Variants in EHD1 observed in about 807,000 individuals in gnomAD.
The protein encoded by EHD1 is EH domain containing 1, also known as EH domain-containing protein 1.
EHD1 carries 19 observed loss-of-function variants against 39.0 expected under a neutral mutation model. That is an observed-to-expected ratio of 0.49 (90% CI 0.34 to 0.72). The LOEUF (loss-of-function observed/expected upper bound fraction) is 0.72, where lower values mean the gene tolerates loss of function less well. EHD1 is among the 30% of genes least tolerant of loss of function. The probability of loss-of-function intolerance (pLI) is 0.01; values close to 1 mark genes in which losing one functional copy is unlikely to be tolerated. For synonymous variants in EHD1, 323 were observed against 331.2 expected (o/e 0.98, Z 0.27); for missense variants, 542 against 751.5 (o/e 0.72, Z 3.26).
intron 2 of EHD1, among the ~76,000 whole-genome samples, chr11:64,866,989 G>A (rs1281793797): frequency 6.6e-6 from 1 of 152,184 alleles, no homozygotes; most frequent in Non-Finnish European, 1.5e-5. Context: ...CAGGAAGAGT[G>A]TCCATTTGGG....
intron 2 of EHD1, among the ~76,000 whole-genome samples, chr11:64,864,195 T>A (rs1301138397): frequency 6.6e-6 from 1 of 152,176 alleles, no homozygotes; most frequent in African/African-American, 2.4e-5. Context: ...AGGGTAGCAG[T>A]GCAGGGGAGC....
At chr11:64,879,115 A>C (rs1943926438), upstream of EHD1, 1 of 1,001,510 alleles carries the variant, frequency 1.0e-6, no homozygotes, top group African/African-American at 1.7e-5. Flanking sequence ...CTCTCAGCCC[A>C]GCTTCCCAGA....
At chr11:64,869,365 G>A (rs1462049539) in intron 2 of EHD1, among the ~76,000 whole-genome samples, 1 of 152,258 alleles carries the variant, frequency 6.6e-6, no homozygotes, top group African/African-American at 2.4e-5. Context: ...GAGGGTTTTG[G>A]GAGGCCTGGA....
intron 2 of EHD1, among the ~76,000 whole-genome samples, chr11:64,865,151 A>G (rs1246248885): frequency 6.6e-6 from 1 of 152,222 alleles, no homozygotes; most frequent in African/African-American, 2.4e-5. Context: ...AGCCACACCC[A>G]CAGGTGACAA....
At chr11:64,879,624 G>A, upstream of EHD1, 1 of 1,551,036 alleles carries the variant, frequency 6.4e-7, no homozygotes, top group Non-Finnish European at 8.7e-7. Flanking sequence ...GTTCCTGGCT[G>A]TTCCATGGGG....
chr11:64,868,540 A>G lies in EHD1; in HGVS notation c.502+5881T>C, dbSNP rs1034547841. Among the ~76,000 whole-genome samples, 1 of 152,264 alleles carries G rather than the reference A, an allele frequency of 6.6e-6. No individual in the cohort carries two copies. Among genetic ancestry groups the G allele is most frequent in the African/African-American group, 2.4e-5 (1 of 41,470 alleles). Reference sequence around the variant, plus strand: ...GCTCTCAAACACACAGATGCAGCTCAGAAGCATCCTGCTAAGTGAAGGTGG... The same window carrying G: ...GCTCTCAAACACACAGATGCAGCTCGGAAGCATCCTGCTAAGTGAAGGTGG... On this transcript the variant is annotated intron_variant, in intron 2 of 4. Coordinates refer to ENST00000320631, the MANE Select transcript of EHD1 (RefSeq NM_006795.4). This position sits in a 1 kb window ranked among gnomAD's most constrained non-coding sequence, Gnocchi z 4.2.
chr11:64,869,046 A>G (rs1446409206), intron 2 of EHD1, among the ~76,000 whole-genome samples: 1 of 152,158 alleles, frequency 6.6e-6, no homozygotes, highest in Non-Finnish European at 1.5e-5. Flanking sequence ...GCTCTTATTT[A>G]CTCGCAGGAT....
intron 3 of EHD1, 74 bp downstream of exon 3, chr11:64,859,850 G>GGGCCCTGAGTGCCAGTCTCAGAGCCCCAT (rs1943693370): frequency 6.5e-7 from 1 of 1,530,988 alleles, no homozygotes; most frequent in Non-Finnish European, 8.8e-7. Flanking sequence ...GGCAATCCTG[G>GGGCCCTGAGTGCCAGTCTCAGAGCCCCAT]GGCCCTGAGT....
At position 64,868,373 on chromosome 11, in the gene EHD1, A is replaced by G. The variant is rs1487396047; in HGVS notation, c.502+6048T>C. Among the ~76,000 whole-genome samples, 1 of 152,124 alleles carries G rather than the reference A, an allele frequency of 6.6e-6. No individual in the cohort carries two copies. Among genetic ancestry groups the G allele is most frequent in the Non-Finnish European group, 1.5e-5 (1 of 68,024 alleles). ...ATTTACCTGAGAGCAGCAGCAGCACACGCCCACACGAACCACGTACTTGAC... is the reference window on the plus strand; with the variant it reads ...ATTTACCTGAGAGCAGCAGCAGCACGCGCCCACACGAACCACGTACTTGAC... On this transcript the variant is annotated intron_variant, in intron 2 of 4. Coordinates refer to ENST00000320631, the MANE Select transcript of EHD1 (RefSeq NM_006795.4). This position sits in a 1 kb window ranked among gnomAD's most constrained non-coding sequence, Gnocchi z 4.2.
intron 2 of EHD1, among the ~76,000 whole-genome samples, chr11:64,864,814 GGCCTGGGAGTCAGGACGGC>G (rs1419702364): frequency 1.3e-5 from 2 of 152,168 alleles, no homozygotes; most frequent in African/African-American, 4.8e-5. Context: ...TGTTAGCTTT[GGCCTGGGAGTCAGGACGGC>G]GCCTGGGGAG....
chr11:64,860,944 T>C (rs1243204458), intron 2 of EHD1, among the ~76,000 whole-genome samples: 2 of 143,962 alleles, frequency 1.4e-5, no homozygotes, highest in Non-Finnish European at 3.0e-5. Flanking sequence ...TGCTTGAACC[T>C]GGGCGGCAGA....
At position 64,878,598 on chromosome 11, in the gene EHD1, C is replaced by A; in HGVS notation, c.-134G>T. The A allele has an allele frequency of 1.4e-6, 2 of 1,427,176 alleles. No individual in the cohort carries two copies. Among genetic ancestry groups the A allele is most frequent in the Non-Finnish European group, 1.8e-6 (2 of 1,096,378 alleles). The allele number at this position is 1,427,176 out of a possible 1,614,324, so 88.4% of individuals were successfully genotyped here. On this transcript the variant is annotated 5_prime_UTR_variant, in exon 1 of 5. Coordinates refer to ENST00000320631, the MANE Select transcript of EHD1 (RefSeq NM_006795.4). ...ACACTGCGCAGGCGCACAGCCCAGC[C>A]CGTCGAAGCGCCCTCTGCCGAATGC...
intron 2 of EHD1, among the ~76,000 whole-genome samples, chr11:64,865,409 C>G (rs1943757533): frequency 6.6e-6 from 1 of 152,262 alleles, no homozygotes; most frequent in Non-Finnish European, 1.5e-5. Context: ...GCCAGCACCC[C>G]CGGCACTGCC....
Position 64,853,979 on chromosome 11 carries a change from C to A in EHD1, c.*354G>T. ...AGCAGCTGCCAAAAGGGCGACCTGGCTCCCCCACGGTCGCAGTCGCTGCAC... is the reference window on the plus strand; with the variant it reads ...AGCAGCTGCCAAAAGGGCGACCTGGATCCCCCACGGTCGCAGTCGCTGCAC... On this transcript the variant is annotated 3_prime_UTR_variant, in exon 5 of 5. Coordinates refer to ENST00000320631, the MANE Select transcript of EHD1 (RefSeq NM_006795.4). The A allele has an allele frequency of 3.3e-6, 1 of 299,622 alleles. No homozygotes were observed. The highest frequency in any genetic ancestry group is 6.3e-6 in the Non-Finnish European group (1 of 158,100). 18.6% of individuals were successfully genotyped at this position (299,622 alleles called of 1,614,324 possible). A position where few individuals can be genotyped will look rare whatever the true frequency, so the allele number is the denominator to read the frequency against.
At chr11:64,873,438 T>G (rs1460568244) in intron 2 of EHD1, among the ~76,000 whole-genome samples, 1 of 152,202 alleles carries the variant, frequency 6.6e-6, no homozygotes, top group Non-Finnish European at 1.5e-5. Context: ...GACCAGGGGC[T>G]TGTTCAGAGT....
intron 2 of EHD1, among the ~76,000 whole-genome samples, chr11:64,866,051 T>G (rs1055735837): frequency 6.6e-6 from 1 of 152,142 alleles, no homozygotes; most frequent in African/African-American, 2.4e-5. Flanking sequence ...TAAGGACACA[T>G]GCACACATAC....
chr11:64,859,202 C>G (rs1229994749), intron 3 of EHD1, among the ~76,000 whole-genome samples: 1 of 152,198 alleles, frequency 6.6e-6, no homozygotes, highest in African/African-American at 2.4e-5. Flanking sequence ...TCACTCCCCG[C>G]CAGTACCCGG....
At chr11:64,865,651 T>G (rs1458297304) in intron 2 of EHD1, among the ~76,000 whole-genome samples, 1 of 152,176 alleles carries the variant, frequency 6.6e-6, no homozygotes, top group East Asian at 1.9e-4. Context: ...CAGGAAGCTC[T>G]AGCTCAGAAA....
chr11:64,877,887 A>C, intron 1 of EHD1, 174 bp downstream of exon 1: 1 of 568,508 alleles, frequency 1.8e-6, no homozygotes, highest in Non-Finnish European at 2.8e-6. Flanking sequence ...TTAGACCCCC[A>C]GTGGGTTTAC....
Sources: gnomAD v4.1 joint callset for allele counts (sites outside exome capture counted in the v4.1 genomes callset) on GRCh38, gnomAD v4.1.1 for gene constraint, Gnocchi (gnomAD v3.1) non-coding constraint, MANE v1.5 for transcripts, NCBI Gene and HGNC (gene_info 2026-07-23, HGNC 2026-07-21) for gene names.